The following RANBP2 variants were observed in gnomAD, a reference collection of about 807,000 sequenced individuals.
RANBP2 encodes the protein RAN binding protein 2.
A neutral mutation model predicts 303.6 loss-of-function variants in RANBP2; 57 were observed. The ratio of observed to expected loss-of-function variants is 0.19; its 90% confidence interval spans 0.15 to 0.23. RANBP2 has a LOEUF of 0.23. Among genes scored for constraint, RANBP2 ranks in the 10% least tolerant of loss-of-function variants. RANBP2 has a pLI of 1.00. For synonymous variants in RANBP2, 1,167 were observed against 1,301.5 expected, an observed-to-expected ratio of 0.90 and a Z score of 2.23; for missense variants, 3,138 against 3,780.8, an observed-to-expected ratio of 0.83 and a Z score of 4.46.
At chr2:109,082,437 A>T in the RANBP2 span, among the ~76,000 whole-genome samples, 1 of 151,864 alleles carries the variant, frequency 6.6e-6, no homozygotes. Context: ...AGTAGCTGGG[A>T]CTACAGGTGC....
the RANBP2 span, among the ~76,000 whole-genome samples, chr2:109,602,708 G>C: frequency 4.1e-5 from 6 of 148,006 alleles, no homozygotes; most frequent in Non-Finnish European, 7.4e-5. Context: ...AGGATTACTA[G>C]ATGGCTCGAA....
the RANBP2 span, among the ~76,000 whole-genome samples, chr2:109,575,636 C>A: frequency 1.3e-5 from 2 of 152,186 alleles, no homozygotes; most frequent in Admixed American, 6.5e-5. Flanking sequence ...TAAACCACTG[C>A]CTTTGCAATT....
At chr2:109,344,654 G>A in the RANBP2 span, among the ~76,000 whole-genome samples, 1 of 152,202 alleles carries the variant, frequency 6.6e-6, no homozygotes, top group Non-Finnish European at 1.5e-5. Context: ...AAGGAGAGAT[G>A]ACAGGCAAGG....
At chr2:108,905,174 C>A in the RANBP2 span, among the ~76,000 whole-genome samples, 1 of 152,168 alleles carries the variant, frequency 6.6e-6, no homozygotes, top group African/African-American at 2.4e-5. Flanking sequence ...GCAGGTGACT[C>A]TAATGTTCAT....
the RANBP2 span, among the ~76,000 whole-genome samples, chr2:109,091,493 T>G: frequency 2.6e-5 from 4 of 152,232 alleles, no homozygotes; most frequent in Non-Finnish European, 5.9e-5. Context: ...TCCAGTCTTC[T>G]GTACAGCCAG....
the RANBP2 span, chr2:108,911,107 C>G: frequency 1.9e-6 from 3 of 1,613,606 alleles, no homozygotes; most frequent in Non-Finnish European, 1.7e-6. Context: ...TGACCCAGAG[C>G]TCAGGATCCC....
the RANBP2 span, among the ~76,000 whole-genome samples, chr2:109,645,622 G>C: frequency 6.6e-6 from 1 of 152,192 alleles, no homozygotes; most frequent in Non-Finnish European, 1.5e-5. Context: ...GACAGGCTCA[G>C]GGTCCCCTGC....
the RANBP2 span, among the ~76,000 whole-genome samples, chr2:109,111,823 C>T: frequency 6.8e-6 from 1 of 147,578 alleles, no homozygotes; most frequent in African/African-American, 2.5e-5. Context: ...TGATGTTCCC[C>T]TTCCTGTGTC....
the RANBP2 span, among the ~76,000 whole-genome samples, chr2:109,242,570 G>A: frequency 1.3e-5 from 2 of 152,198 alleles, no homozygotes; most frequent in African/African-American, 2.4e-5. Flanking sequence ...ACTGACCACC[G>A]TGCCCCAGGC....
chr2:108,831,984 C>T, the RANBP2 span, among the ~76,000 whole-genome samples: 6 of 152,170 alleles, frequency 3.9e-5, no homozygotes, highest in South Asian at 8.3e-4. Flanking sequence ...CCACCCTCCT[C>T]GGCCTCCCGA....
At chr2:108,959,877 C>A in the RANBP2 span, among the ~76,000 whole-genome samples, 878 of 152,278 alleles carry the variant, frequency 5.8e-3, 9 homozygotes, top group African/African-American at 0.02. Flanking sequence ...TACATACAAG[C>A]ACACACATAT....
the RANBP2 span, among the ~76,000 whole-genome samples, chr2:109,138,942 C>A: frequency 6.6e-6 from 1 of 152,200 alleles, no homozygotes; most frequent in African/African-American, 2.4e-5. Context: ...ACACTGTAAA[C>A]AAATAGCCAA....
At chr2:108,839,165 T>G in the RANBP2 span, 1 of 1,586,542 alleles carries the variant, frequency 6.3e-7, no homozygotes, top group Non-Finnish European at 8.6e-7. Context: ...TGTATTTATT[T>G]TCCATCATTT....
chr2:109,142,590 C>T, the RANBP2 span, among the ~76,000 whole-genome samples: 380 of 152,284 alleles, frequency 2.5e-3, 9 homozygotes, highest in Non-Finnish European at 3.0e-3. Context: ...GATTCTAGTC[C>T]TGTCACCAGA....
the RANBP2 span, among the ~76,000 whole-genome samples, chr2:109,049,595 TGGGCCTGA>T: frequency 6.6e-6 from 1 of 152,146 alleles, no homozygotes; most frequent in Admixed American, 6.5e-5. Flanking sequence ...AGGACAGAGG[TGGGCCTGA>T]GGCCCTCTTT....
chr2:108,873,299 T>C, the RANBP2 span: 2 of 38,732 alleles, frequency 5.2e-5, no homozygotes, highest in African/African-American at 9.7e-5. Flanking sequence ...ATTTTTCAAA[T>C]GATGATATTT....
chr2:108,763,626 T>G lies in RANBP2; in HGVS notation c.3087T>G (p.Thr1029=). ...LPTQAHTTQP[T]PFKFNSNFKS... is the part of the protein sequence containing the mutation. ...CACAAGCACACACAACACAGCCAAC[T>G]CCTTTTAAATTTAACTCAAATTTCA... is the stretch of plus-strand genomic sequence containing the variant. Residue 1029 remains threonine, a synonymous_variant, in exon 20 of 29, where the codon ACT becomes ACG. Coordinates refer to ENST00000283195, the MANE Select transcript of RANBP2 (RefSeq NM_006267.5). 1 of 1,614,156 alleles carries G rather than the reference T, an allele frequency of 6.2e-7. No homozygotes were observed. Among genetic ancestry groups the G allele is most frequent in the Non-Finnish European group, 8.5e-7 (1 of 1,180,008 alleles).
At chr2:109,030,921 T>C in the RANBP2 span, among the ~76,000 whole-genome samples, 11 of 152,164 alleles carry the variant, frequency 7.2e-5, no homozygotes, top group Admixed American at 6.5e-4. Flanking sequence ...TTTATTTTCT[T>C]GGTAAAATGG....
At chr2:108,905,232 A>C in the RANBP2 span, among the ~76,000 whole-genome samples, 1 of 152,210 alleles carries the variant, frequency 6.6e-6, no homozygotes, top group South Asian at 2.1e-4. Context: ...TGAGGTTTGA[A>C]AACCTCTGTC....
Sources: allele counts gnomAD v4.1 joint callset (sites outside exome capture counted in the v4.1 genomes callset), GRCh38; gene constraint gnomAD v4.1.1; transcripts MANE v1.5; gene names NCBI Gene and HGNC (gene_info 2026-07-23, HGNC 2026-07-21).